RCAN2: variants seen among roughly 807,000 people sequenced by gnomAD.
RCAN2 encodes regulator of calcineurin 2, also known as calcipressin-2.
RCAN2 carries 9 observed loss-of-function variants against 23.6 expected under a neutral mutation model. That is an observed-to-expected ratio of 0.38 (90% CI 0.23 to 0.67). The LOEUF is 0.67. Ranked by LOEUF, RCAN2 falls within the 30% of genes least tolerant of loss-of-function variation. The pLI, the probability that RCAN2 is intolerant of heterozygous loss-of-function variation, is 0.51. For synonymous variants in RCAN2, 109 were observed against 115.7 expected (o/e 0.94, Z 0.37); for missense variants, 273 against 302.3 (o/e 0.90, Z 0.72).
At chr6:46,489,562 G>T (rs1256832831) in intron 1 of RCAN2, among the ~76,000 whole-genome samples, 3 of 152,236 alleles carry the variant, frequency 2.0e-5, no homozygotes, top group Non-Finnish European at 4.4e-5. Context: ...TACACAAGTG[G>T]TTTTTAACAC....
Position 46,362,922 on chromosome 6 carries a change from C to T in RCAN2, c.225+93830G>A, listed in dbSNP as rs151042985. On this transcript the variant is annotated intron_variant, in intron 2 of 4. Coordinates refer to ENST00000371374, the MANE Select transcript of RCAN2 (RefSeq NM_001251974.2). ...TAATGATATGCAGATTTTGAACTAC[C>T]GTTTATTATACCTGGTACCTGTATT... Among the ~76,000 whole-genome samples, 122 of 152,162 alleles carry T rather than the reference C, an allele frequency of 8.0e-4. 1 individual carries two copies. Among genetic ancestry groups the T allele is most frequent in the African/African-American group, 2.6e-3 (106 of 41,512 alleles).
chr6:46,374,111 C>A (rs1191501000), intron 2 of RCAN2, among the ~76,000 whole-genome samples: 4 of 152,222 alleles, frequency 2.6e-5, no homozygotes, highest in African/African-American at 9.6e-5. Context: ...ATCTTGATTT[C>A]TCCATGGTAT....
intron 1 of RCAN2, among the ~76,000 whole-genome samples, chr6:46,470,699 T>G (rs1242565820): frequency 1.3e-5 from 2 of 152,240 alleles, no homozygotes. Flanking sequence ...TTCTTCCAAA[T>G]AGAACTATTG....
intron 1 of RCAN2, among the ~76,000 whole-genome samples, chr6:46,489,156 G>A (rs572545985): frequency 7.9e-5 from 12 of 152,244 alleles, no homozygotes; most frequent in Admixed American, 3.9e-4. Flanking sequence ...CCTTCAGTGT[G>A]GAATACCCAG....
intron 2 of RCAN2, among the ~76,000 whole-genome samples, chr6:46,257,705 T>TGG (rs1346283636): frequency 3.3e-5 from 5 of 152,050 alleles, no homozygotes; most frequent in Non-Finnish European, 7.4e-5. Flanking sequence ...CATGTAGGGA[T>TGG]TACAATTCTA....
chr6:46,339,973 C>T lies in RCAN2; in HGVS notation c.226-91077G>A, dbSNP rs988931425. ...GTACATGAATCCATTACAGCTGCTG[C>T]CCCACTAGATGGTATAAATAATTTA... On this transcript the variant is annotated intron_variant, in intron 2 of 4. Coordinates refer to ENST00000371374, the MANE Select transcript of RCAN2 (RefSeq NM_001251974.2). 2.6e-5 allele frequency among the ~76,000 whole-genome samples: 4 copies of T among 151,818 alleles called. No homozygotes were observed. The South Asian group carries it at 6.2e-4, about 24-fold the overall frequency.
In RCAN2 at chr6:46,246,739, A is replaced by G; in HGVS notation, c.571+9T>C. ...AACGTTTATTTTTAAAATGGACCGC[A>G]AAGCTTACCTGGTCCTAGTTTGGCC... is the stretch of plus-strand genomic sequence containing the variant. On this transcript the variant is annotated intron_variant, in intron 4 of 4. Transcript: ENST00000371374. The G allele has an allele frequency of 6.2e-7, 1 of 1,610,722 alleles. No homozygotes were observed.
intron 2 of RCAN2, among the ~76,000 whole-genome samples, chr6:46,335,589 A>AGGGG (rs1213349001): frequency 6.6e-6 from 1 of 152,170 alleles, no homozygotes; most frequent in African/African-American, 2.4e-5. Flanking sequence ...TCTTGAGATG[A>AGGGG]GGGGGCAGGC....
At chr6:46,431,364 C>G (rs750986023) in intron 2 of RCAN2, among the ~76,000 whole-genome samples, 69 of 152,238 alleles carry the variant, frequency 4.5e-4, no homozygotes, top group Non-Finnish European at 8.8e-4. Flanking sequence ...AGCCACATGC[C>G]TGGCCCCAAC....
intron 2 of RCAN2, among the ~76,000 whole-genome samples, chr6:46,327,565 T>C (rs1383619062): frequency 2.0e-5 from 3 of 152,190 alleles, no homozygotes; most frequent in Non-Finnish European, 2.9e-5. Context: ...CCTGTACAAG[T>C]GTAGCTAAAA....
intron 2 of RCAN2, among the ~76,000 whole-genome samples, chr6:46,451,123 A>AT (rs1462332013): frequency 6.6e-6 from 1 of 152,152 alleles, no homozygotes; most frequent in Non-Finnish European, 1.5e-5. Context: ...AATACATTGA[A>AT]TTGCTCACTT....
rs183858823 is a variant in RCAN2, at chr6:46,262,381, C to T, written c.226-13485G>A. On this transcript the variant is annotated intron_variant, in intron 2 of 4. Coordinates refer to ENST00000371374, the MANE Select transcript of RCAN2 (RefSeq NM_001251974.2). The stretch of plus-strand genomic sequence containing the variant: ...ATCAATTTTGTGGCTTACCCTATGA[C>T]TGCACTTGGTCTCCCTGGTCTCTGT... Among the ~76,000 whole-genome samples the T allele has an allele frequency of 1.8e-4, 27 of 152,250 alleles. No individual in the cohort carries two copies. In the East Asian group the frequency reaches 3.1e-3, roughly 17 times the overall value.
intron 1 of RCAN2, among the ~76,000 whole-genome samples, chr6:46,459,587 G>T (rs1408185025): frequency 6.6e-6 from 1 of 152,158 alleles, no homozygotes. Context: ...TACTTACATG[G>T]AGAAATACTT....
rs188363573 is a variant in RCAN2, at chr6:46,352,646, C to G, written c.226-103750G>C. On this transcript the variant is annotated intron_variant, in intron 2 of 4. Transcript: ENST00000371374. ...TTTTCAAAACTGACTGAAACATTCA[C>G]TGTGCTCTAGAACTTTATGGAACTC... is the stretch of plus-strand genomic sequence containing the variant. 4.2e-4 allele frequency among the ~76,000 whole-genome samples: 64 copies of G among 152,310 alleles called. 1 individual carries two copies. The South Asian group carries it at 6.8e-3, about 16-fold the overall frequency.
intron 2 of RCAN2, among the ~76,000 whole-genome samples, chr6:46,352,221 TG>T (rs1208398677): frequency 2.6e-5 from 4 of 152,162 alleles, no homozygotes; most frequent in Non-Finnish European, 4.4e-5. Flanking sequence ...TCCAAAATAT[TG>T]TTGTCTTAAT....
intron 2 of RCAN2, among the ~76,000 whole-genome samples, chr6:46,294,044 G>A (rs1264822083): frequency 2.6e-5 from 4 of 152,262 alleles, no homozygotes; most frequent in East Asian, 3.9e-4. Flanking sequence ...TTGGGGCACC[G>A]TGTGCCAAGC....
rs535814328 is a variant in RCAN2, at chr6:46,382,195, T to C, written c.225+74557A>G. Among the ~76,000 whole-genome samples the C allele has an allele frequency of 4.6e-5, 7 of 152,354 alleles. No homozygotes were observed. In the East Asian group the frequency reaches 9.6e-4, roughly 21 times the overall value. Reference sequence around the variant, plus strand: ...TTGGATAATTCACTTAACTTCTGTATGCTATGATTTGCACACCTATACAAT... The same window carrying C: ...TTGGATAATTCACTTAACTTCTGTACGCTATGATTTGCACACCTATACAAT... On this transcript the variant is annotated intron_variant, in intron 2 of 4. Transcript: ENST00000371374.
At chr6:46,323,345 T>C (rs1763679656) in intron 2 of RCAN2, among the ~76,000 whole-genome samples, 1 of 149,618 alleles carries the variant, frequency 6.7e-6, no homozygotes, top group South Asian at 2.1e-4. Context: ...TCTCACATTA[T>C]ATGAGAAGAC....
intron 2 of RCAN2, among the ~76,000 whole-genome samples, chr6:46,339,579 C>T (rs529867483): frequency 1.3e-5 from 2 of 152,126 alleles, no homozygotes; most frequent in South Asian, 2.1e-4. Context: ...TAAACAGTGG[C>T]TTGACATGAA....
Sources: allele counts gnomAD v4.1 joint callset (sites outside exome capture counted in the v4.1 genomes callset), GRCh38; gene constraint gnomAD v4.1.1; transcripts MANE v1.5; gene names NCBI Gene and HGNC (gene_info 2026-07-23, HGNC 2026-07-21).